PTPRN2: variants seen among roughly 807,000 people sequenced by gnomAD.
PTPRN2 encodes the protein receptor-type tyrosine-protein phosphatase N2.
In PTPRN2, 74 loss-of-function variants were observed where a neutral mutation model predicts 118.8. The observed-to-expected ratio is 0.62, with a 90% CI of 0.52 to 0.76. The LOEUF (loss-of-function observed/expected upper bound fraction) is 0.76. Ranked by LOEUF, PTPRN2 falls within the 30% of genes least tolerant of loss-of-function variation. The pLI is 0.00. For synonymous variants in PTPRN2, 641 were observed against 608.0 expected (o/e 1.05, Z -0.80); for missense variants, 1,481 against 1,394.4 (o/e 1.06, Z -0.99).
intron 3 of PTPRN2, among the ~76,000 whole-genome samples, chr7:158,258,110 A>G (rs555673248): frequency 1.1e-4 from 16 of 152,222 alleles, no homozygotes; most frequent in Non-Finnish European, 1.6e-4. Context: ...AAATAGAACT[A>G]ATCTCCAAGC....
chr7:158,437,316 A>T (rs1210722285), intron 2 of PTPRN2, among the ~76,000 whole-genome samples: 1 of 152,178 alleles, frequency 6.6e-6, no homozygotes. Context: ...TTTCTGGTGA[A>T]ATTTTCCACT....
Position 157,776,930 on chromosome 7 carries a change from G to A in PTPRN2, c.1789-93993C>T, listed in dbSNP as rs376903017. Among the ~76,000 whole-genome samples, 64 of 9,824 alleles carry A rather than the reference G, an allele frequency of 6.5e-3. No homozygotes were observed. In the East Asian group the frequency reaches 0.11, roughly 17 times the overall value. The allele number at this position is 9,824 out of a possible 152,430, so 6.4% of individuals were successfully genotyped here. Reference sequence around the variant, plus strand: ...CCCCCTCCTCCTCGCTCTTCTCCTCGTCCTTCCTCTCCTCTTCCTCTTCCC... The same window carrying A: ...CCCCCTCCTCCTCGCTCTTCTCCTCATCCTTCCTCTCCTCTTCCTCTTCCC... On this transcript the variant is annotated intron_variant, in intron 12 of 22. Transcript: ENST00000389418.
chr7:158,238,142 C>T (rs911921460), intron 3 of PTPRN2, among the ~76,000 whole-genome samples: 19 of 152,074 alleles, frequency 1.2e-4, no homozygotes, highest in East Asian at 7.8e-4. Flanking sequence ...AAGTCACGCC[C>T]GTGTCCGGCT....
chr7:158,186,302 T>G lies in PTPRN2; in HGVS notation c.549+6025A>C, dbSNP rs142415003. Among the ~76,000 whole-genome samples, 658 of 152,112 alleles carry G rather than the reference T, an allele frequency of 4.3e-3. 3 individuals are homozygous for G. The highest frequency in any genetic ancestry group is 0.015 in the African/African-American group (637 of 41,512). ...TCCTCTTTTCCTGTGTCCTCAGCTC[T>G]GGCAGATTTCTCCTGGGGCTCACTC... On this transcript the variant is annotated intron_variant, in intron 5 of 22. Transcript: ENST00000389418.
At chr7:158,341,141 C>A (rs1806679307) in intron 2 of PTPRN2, among the ~76,000 whole-genome samples, 1 of 140,554 alleles carries the variant, frequency 7.1e-6, no homozygotes, top group African/African-American at 2.8e-5. Context: ...CCCACAGTCT[C>A]ACCATAAGAG....
chr7:158,071,104 CGTG>C (rs748108710), intron 11 of PTPRN2, among the ~76,000 whole-genome samples: 18 of 51,412 alleles, frequency 3.5e-4, no homozygotes, highest in Non-Finnish European at 5.3e-4. Flanking sequence ...TGGAGGTGCT[CGTG>C]GTGGTGGAGG....
chr7:158,244,856 G>A (rs866928879), intron 3 of PTPRN2, among the ~76,000 whole-genome samples: 3 of 151,994 alleles, frequency 2.0e-5, no homozygotes, highest in East Asian at 1.9e-4. Flanking sequence ...TATGGGGGGC[G>A]TGTGTTATAT....
chr7:158,000,238 T>C (rs1162875681), intron 11 of PTPRN2, among the ~76,000 whole-genome samples: 1 of 152,132 alleles, frequency 6.6e-6, no homozygotes, highest in Non-Finnish European at 1.5e-5. Flanking sequence ...AACTTCTCTT[T>C]TGCCAAAGGA....
intron 12 of PTPRN2, among the ~76,000 whole-genome samples, chr7:157,848,318 G>C (rs991866118): frequency 1.3e-5 from 2 of 150,482 alleles, no homozygotes; most frequent in Non-Finnish European, 3.0e-5. Context: ...GATGTTTACA[G>C]AGCCCTCTCT....
intron 13 of PTPRN2, among the ~76,000 whole-genome samples, chr7:157,661,565 G>A (rs35069110): frequency 0.38 from 57,731 of 151,982 alleles, 11,929 homozygotes; most frequent in Non-Finnish European, 0.48. Context: ...TCTGAGCAGC[G>A]ATAAGGCCGG....
At chr7:158,194,887 G>T (rs1389222946) in intron 4 of PTPRN2, among the ~76,000 whole-genome samples, 2 of 141,766 alleles carry the variant, frequency 1.4e-5, no homozygotes, top group Admixed American at 1.4e-4. Flanking sequence ...ATAGATCCTT[G>T]CAATTCTCCC....
intron 6 of PTPRN2, among the ~76,000 whole-genome samples, chr7:158,162,492 C>G (rs1180160392): frequency 6.6e-6 from 1 of 152,144 alleles, no homozygotes; most frequent in South Asian, 2.1e-4. Flanking sequence ...TGTGACCCAT[C>G]TGAAAAGGCC....
intron 3 of PTPRN2, among the ~76,000 whole-genome samples, chr7:158,304,211 CACA>C (rs1801105958): frequency 3.9e-4 from 59 of 150,364 alleles, no homozygotes; most frequent in South Asian, 2.1e-3. Flanking sequence ...TCCATCAATA[CACA>C]TAAGACGTAC....
chr7:157,731,427 T>C (rs921751652), intron 12 of PTPRN2, among the ~76,000 whole-genome samples: 3 of 151,248 alleles, frequency 2.0e-5, no homozygotes, highest in African/African-American at 7.3e-5. Context: ...AGTCCAGAGG[T>C]CTCCCTGGGG....
chr7:158,074,990 C>G (rs1812233949), intron 11 of PTPRN2, among the ~76,000 whole-genome samples: 1 of 152,140 alleles, frequency 6.6e-6, no homozygotes, highest in Non-Finnish European at 1.5e-5. Flanking sequence ...GCGTTCCACG[C>G]TGGTAGCCCT....
At chr7:157,714,895 TC>T (rs1020663916) in intron 12 of PTPRN2, among the ~76,000 whole-genome samples, 1 of 149,312 alleles carries the variant, frequency 6.7e-6, no homozygotes, top group Non-Finnish European at 1.5e-5. Context: ...TGAGGCCATT[TC>T]CCCAGGGAAT....
At chr7:158,149,870 TTG>T (rs1820773976) in intron 6 of PTPRN2, among the ~76,000 whole-genome samples, 1 of 151,872 alleles carries the variant, frequency 6.6e-6, no homozygotes, top group South Asian at 2.1e-4. Context: ...TGTGGAATTT[TTG>T]GGATCTAAGT....
At position 158,052,127 on chromosome 7, in the gene PTPRN2, T is replaced by A. The variant is rs1399683363; in HGVS notation, c.1723+29171A>T. Among the ~76,000 whole-genome samples, 2 of 152,202 alleles carry A rather than the reference T, an allele frequency of 1.3e-5. 1 individual carries two copies. The highest frequency in any genetic ancestry group is 1.3e-4 in the Admixed American group (2 of 15,288). ...AGTCCCTGTGCACTAAAGTCAAGAC[T>A]GTTTCAAAGAGATTATATTATCTTA... is the stretch of plus-strand genomic sequence containing the variant. On this transcript the variant is annotated intron_variant, in intron 11 of 22. Transcript: ENST00000389418.
intron 2 of PTPRN2, among the ~76,000 whole-genome samples, chr7:158,475,130 C>T (rs1442943557): frequency 2.0e-5 from 3 of 152,152 alleles, no homozygotes; most frequent in African/African-American, 7.2e-5. Context: ...ACCAGTTTCC[C>T]TGACGCCACG....
Sources: allele counts gnomAD v4.1 joint callset (sites outside exome capture counted in the v4.1 genomes callset), GRCh38; gene constraint gnomAD v4.1.1; transcripts MANE v1.5; gene names NCBI Gene and HGNC (gene_info 2026-07-23, HGNC 2026-07-21).